Variants in TAFA1 observed in about 807,000 individuals in gnomAD.
The protein encoded by TAFA1 is TAFA chemokine like family member 1.
TAFA1 carries 4 observed loss-of-function variants against 18.5 expected under a neutral mutation model. The observed-to-expected ratio is 0.22, with a 90% CI of 0.11 to 0.49. TAFA1 has a LOEUF of 0.49. Among genes scored for constraint, TAFA1 ranks in the 20% least tolerant of loss-of-function variants. The pLI, the probability that TAFA1 is intolerant of heterozygous loss-of-function variation, is 0.98. For missense variants in TAFA1, 147 were observed against 169.0 expected (o/e 0.87, Z 0.72); for synonymous variants, 56 against 55.2 (o/e 1.01, Z -0.06).
At chr3:68,511,680 T>C (rs1278650734) in intron 3 of TAFA1, among the ~76,000 whole-genome samples, 4 of 152,048 alleles carry the variant, frequency 2.6e-5, no homozygotes, top group African/African-American at 9.7e-5. Flanking sequence ...AGGCTTATGA[T>C]AGTTGAATGT....
chr3:68,341,732 G>T (rs180765408), intron 2 of TAFA1, among the ~76,000 whole-genome samples: 1 of 152,150 alleles, frequency 6.6e-6, no homozygotes, highest in African/African-American at 2.4e-5. Context: ...GAGTTTGTTA[G>T]GTCTGATCTC....
intron 2 of TAFA1, among the ~76,000 whole-genome samples, chr3:68,133,709 A>G (rs369345195): frequency 1.3e-5 from 2 of 152,158 alleles, no homozygotes; most frequent in African/African-American, 2.4e-5. Context: ...GTTTTTGCAC[A>G]TTGATTTTGT....
intron 2 of TAFA1, among the ~76,000 whole-genome samples, chr3:68,019,919 A>G (rs1219135327): frequency 6.6e-6 from 1 of 152,180 alleles, no homozygotes; most frequent in Non-Finnish European, 1.5e-5. Flanking sequence ...TTGTGTTTGA[A>G]CCCAGATTCA....
chr3:68,413,362 C>T (rs909466927), intron 2 of TAFA1, among the ~76,000 whole-genome samples: 15 of 152,200 alleles, frequency 9.9e-5, no homozygotes, highest in African/African-American at 3.6e-4. Flanking sequence ...CTCTTGGTCT[C>T]ATTTGCTTCT....
At chr3:68,417,606 T>A in intron 3 of TAFA1, 186 bp downstream of exon 3, 1 of 583,498 alleles carries the variant, frequency 1.7e-6, no homozygotes, top group Non-Finnish European at 2.8e-6. Context: ...ATTTGAATGT[T>A]TTTTCCCCAA....
chr3:68,006,614 T>A lies in TAFA1; in HGVS notation c.-3-10T>A, dbSNP rs759464091. 6.3e-7 allele frequency: 1 copy of A among 1,598,552 alleles called. No homozygotes were observed. The highest frequency in any genetic ancestry group is 1.1e-5 in the South Asian group (1 of 90,770). ...CGGAGGTAACCTTTCCTGTCGAATG[T>A]TCTCTTTAGAGAATGGCAATGGTCT... On this transcript the variant is annotated splice_polypyrimidine_tract_variant and intron_variant, in intron 1 of 4. Transcript: ENST00000478136.
Position 68,417,409 on chromosome 3 carries a change from C to T in TAFA1, c.248C>T (p.Ser83Phe). 1 of 1,613,530 alleles carries T rather than the reference C, an allele frequency of 6.2e-7. No homozygotes were observed. Among genetic ancestry groups the T allele is most frequent in the Non-Finnish European group, 8.5e-7 (1 of 1,179,646 alleles). The part of the protein sequence containing the change: ...KVAGTTRNRP[S>F]CVDASIVIGK... ...GCTGGAACAACAAGAAACCGGCCTT[C>T]TTGCGTCGATGGTAGGTACCTGGTT... is the stretch of plus-strand genomic sequence containing the variant. The change falls in exon 3 of 5, where the codon TCT (serine) becomes TTT (phenylalanine). Residue 83 changes from serine (S) to phenylalanine (F), a missense_variant. Physicochemically the swap from Ser to Phe is radical, Grantham distance 155. Coordinates refer to ENST00000478136, the MANE Select transcript of TAFA1 (RefSeq NM_213609.4).
At chr3:68,218,648 T>G (rs959705828) in intron 2 of TAFA1, among the ~76,000 whole-genome samples, 7 of 152,154 alleles carry the variant, frequency 4.6e-5, no homozygotes, top group African/African-American at 1.7e-4. Context: ...AGGTAGAGCT[T>G]CTTCTCTGGA....
chr3:68,120,231 TTC>T (rs1480323121), intron 2 of TAFA1, among the ~76,000 whole-genome samples: 1 of 139,540 alleles, frequency 7.2e-6, no homozygotes, highest in African/African-American at 2.8e-5. Flanking sequence ...CTTTCTTTCT[TTC>T]TTTCTTTCTT....
intron 2 of TAFA1, among the ~76,000 whole-genome samples, chr3:68,333,236 C>A (rs368147306): frequency 7.9e-5 from 12 of 152,250 alleles, no homozygotes; most frequent in African/African-American, 2.9e-4. Flanking sequence ...ATAGGAAAAT[C>A]ATGGAATCAA....
At position 68,537,695 on chromosome 3, in the gene TAFA1, ACT is replaced by A. The variant is rs757553745; in HGVS notation, c.260-1056_260-1055del. Among the ~76,000 whole-genome samples, 50 of 152,086 alleles carry A rather than the reference ACT, an allele frequency of 3.3e-4. No individual in the cohort carries two copies. In the Middle Eastern group the frequency reaches 0.01, roughly 31 times the overall value. On this transcript the variant is annotated intron_variant, in intron 3 of 4. Coordinates refer to ENST00000478136, the MANE Select transcript of TAFA1 (RefSeq NM_213609.4). ...TTTGCTGGACTACTTCTGTTTGCTG[ACT>A]CTCTGAACAGCCGTCTCACACTATG...
At chr3:68,077,752 A>G (rs1475947044) in intron 2 of TAFA1, among the ~76,000 whole-genome samples, 1 of 151,820 alleles carries the variant, frequency 6.6e-6, no homozygotes, top group Non-Finnish European at 1.5e-5. Context: ...TGATGCCTCC[A>G]GCTTTGTTCT....
At chr3:68,296,356 C>T (rs2068207773) in intron 2 of TAFA1, among the ~76,000 whole-genome samples, 1 of 152,130 alleles carries the variant, frequency 6.6e-6, no homozygotes, top group African/African-American at 2.4e-5. Context: ...TGAATTGTTC[C>T]CAAGAGCCCC....
chr3:67,995,519 T>G, the TAFA1 span, among the ~76,000 whole-genome samples: 1 of 152,112 alleles, frequency 6.6e-6, no homozygotes, highest in African/African-American at 2.4e-5. Context: ...CTTTTATAAT[T>G]CTCTTTTTCT....
chr3:68,498,534 A>G (rs1425166312), intron 3 of TAFA1, among the ~76,000 whole-genome samples: 2 of 152,114 alleles, frequency 1.3e-5, no homozygotes, highest in African/African-American at 4.8e-5. Flanking sequence ...GAAATTTATT[A>G]TTTTAAGGAA....
chr3:68,117,522 G>A (rs918552896), intron 2 of TAFA1, among the ~76,000 whole-genome samples: 1 of 152,182 alleles, frequency 6.6e-6, no homozygotes, highest in African/African-American at 2.4e-5. Context: ...GATAGCAAAA[G>A]CACAGTGAAC....
At chr3:68,450,937 A>T (rs2071558336) in intron 3 of TAFA1, among the ~76,000 whole-genome samples, 1 of 152,214 alleles carries the variant, frequency 6.6e-6, no homozygotes, top group Admixed American at 6.5e-5. Context: ...CACCTTGGTT[A>T]TCCCCATTTT....
intron 2 of TAFA1, among the ~76,000 whole-genome samples, chr3:68,221,328 AG>A (rs1277962883): frequency 2.0e-5 from 3 of 152,150 alleles, no homozygotes; most frequent in African/African-American, 7.2e-5. Context: ...GGGTCTAAAA[AG>A]GGGGGGATGG....
At chr3:68,165,065 A>T (rs528992053) in intron 2 of TAFA1, among the ~76,000 whole-genome samples, 4 of 152,232 alleles carry the variant, frequency 2.6e-5, no homozygotes, top group Non-Finnish European at 4.4e-5. Flanking sequence ...GATAAAGTTC[A>T]GGCCAAGGGA....
Sources: allele counts gnomAD v4.1 joint callset (sites outside exome capture counted in the v4.1 genomes callset), GRCh38; gene constraint gnomAD v4.1.1; transcripts MANE v1.5; gene names NCBI Gene and HGNC (gene_info 2026-07-23, HGNC 2026-07-21).